The following ACTR3 variants were observed in gnomAD, a reference collection of about 807,000 sequenced individuals.
The protein encoded by ACTR3 is actin related protein 3.
A neutral mutation model predicts 56.8 loss-of-function variants in ACTR3; 12 were observed. The ratio of observed to expected loss-of-function variants is 0.21; its 90% CI spans 0.14 to 0.34. The LOEUF (loss-of-function observed/expected upper bound fraction) is 0.34, where lower values mean the gene tolerates loss of function less well. Among genes scored for constraint, ACTR3 ranks in the 10% least tolerant of loss-of-function variants. The probability of loss-of-function intolerance (pLI) is 1.00; values close to 1 mark genes in which losing one functional copy is unlikely to be tolerated. For synonymous variants in ACTR3, 162 were observed against 167.4 expected, an observed-to-expected ratio of 0.97 and a Z score of 0.25; for missense variants, 282 against 512.5, an observed-to-expected ratio of 0.55 and a Z score of 4.34.
chr2:113,890,525 G>A lies in ACTR3; in HGVS notation c.44+202G>A, dbSNP rs1027954735. The A allele has an allele frequency of 4.3e-5, 59 of 1,360,182 alleles. No individual in the cohort carries two copies. In the African/African-American group the frequency reaches 8.4e-4, roughly 19 times the overall value. 84.3% of individuals were successfully genotyped at this position (1,360,182 alleles called of 1,614,324 possible). Reference sequence around the variant, plus strand: ...TTCTCCCTCCTGGGACTGGGGCGGGGGCGCGGGCCCGAGATTCAACCCCCA... The same window carrying A: ...TTCTCCCTCCTGGGACTGGGGCGGGAGCGCGGGCCCGAGATTCAACCCCCA... On this transcript the variant is annotated intron_variant, in intron 1 of 11. Coordinates refer to ENST00000263238, the MANE Select transcript of ACTR3 (RefSeq NM_005721.5).
At chr2:113,902,796 C>T (rs1028342859) in intron 1 of ACTR3, among the ~76,000 whole-genome samples, 2 of 152,104 alleles carry the variant, frequency 1.3e-5, no homozygotes, top group Non-Finnish European at 2.9e-5. Context: ...GATGGGGTTT[C>T]GCCGTGTTGG....
intron 1 of ACTR3, among the ~76,000 whole-genome samples, chr2:113,911,996 T>G (rs1427912827): frequency 6.6e-6 from 1 of 152,092 alleles, no homozygotes. Context: ...TGCCTCAGCC[T>G]CCCAAAGTGC....
chr2:113,927,361 G>A lies in ACTR3; in HGVS notation c.242G>A (p.Gly81Asp). Residue 81 changes from glycine (G) to aspartate (D), a missense_variant, in exon 4 of 12, where the codon GGT (glycine) becomes GAT (aspartate). Gly to Asp is a moderately conservative substitution (Grantham distance 94, BLOSUM62 -1). Transcript: ENST00000263238. Reference sequence around the variant, plus strand: ...TTTTAATAGTGGCCAATCCGCCATGGTATAGTTGAAGATTGGGACTTAATG... The same window carrying A: ...TTTTAATAGTGGCCAATCCGCCATGATATAGTTGAAGATTGGGACTTAATG... The part of the protein sequence containing the change: ...TYATKWPIRH[G>D]IVEDWDLMER... The A allele has an allele frequency of 1.3e-6, 2 of 1,582,608 alleles. No individual in the cohort carries two copies. The highest frequency in any genetic ancestry group is 1.7e-6 in the Non-Finnish European group (2 of 1,163,262).
At chr2:113,948,527 G>C (rs1680062563) in intron 8 of ACTR3, among the ~76,000 whole-genome samples, 3 of 152,266 alleles carry the variant, frequency 2.0e-5, no homozygotes, top group South Asian at 2.1e-4. Flanking sequence ...TGTCATCACA[G>C]ACAGGACCTT....
intron 1 of ACTR3, among the ~76,000 whole-genome samples, chr2:113,910,315 G>A (rs1481504825): frequency 1.3e-5 from 2 of 152,148 alleles, no homozygotes; most frequent in Non-Finnish European, 2.9e-5. Flanking sequence ...TGGTACGCTC[G>A]AGAGGGTGTG....
Position 113,951,576 on chromosome 2 carries a change from T to G in ACTR3, c.951+5T>G. 6.2e-7 allele frequency: 1 copy of G among 1,602,958 alleles called. No individual in the cohort carries two copies. Among genetic ancestry groups the G allele is most frequent in the Non-Finnish European group, 8.5e-7 (1 of 1,170,988 alleles). On this transcript the variant is annotated splice_donor_5th_base_variant and intron_variant, in intron 9 of 11. Transcript: ENST00000263238. ...GTCAGACGTCCTCTCTACAAGGTAT[T>G]TATAGCAAAATTGTTATTCAAGGTC...
intron 4 of ACTR3, among the ~76,000 whole-genome samples, chr2:113,929,116 C>T (rs1679672321): frequency 6.6e-6 from 1 of 150,784 alleles, no homozygotes; most frequent in Admixed American, 6.6e-5. Context: ...TTGATGAATA[C>T]CTGGGCTATT....
At chr2:113,949,010 A>G (rs1559489676) in intron 8 of ACTR3, among the ~76,000 whole-genome samples, 1 of 151,192 alleles carries the variant, frequency 6.6e-6, no homozygotes, top group Non-Finnish European at 1.5e-5. Flanking sequence ...TTGTATTAGT[A>G]TGTGTCACTT....
At chr2:113,915,277 T>C (rs192153514) in intron 2 of ACTR3, among the ~76,000 whole-genome samples, 46 of 152,328 alleles carry the variant, frequency 3.0e-4, no homozygotes, top group South Asian at 1.4e-3. Context: ...TGGCTTCTGA[T>C]GTTTCCTCAG....
chr2:113,928,015 TTTTA>T (rs1027422659), intron 4 of ACTR3, among the ~76,000 whole-genome samples: 1 of 151,238 alleles, frequency 6.6e-6, no homozygotes, highest in African/African-American at 2.5e-5. Context: ...AACATGTTTC[TTTTA>T]TTTAACATTT....
intron 3 of ACTR3, among the ~76,000 whole-genome samples, chr2:113,927,089 A>G (rs1383147464): frequency 2.0e-5 from 3 of 152,208 alleles, no homozygotes; most frequent in African/African-American, 4.8e-5. Context: ...ATGGTCTTCC[A>G]TGTAGATTTA....
chr2:113,917,275 A>C (rs1679423606), intron 3 of ACTR3, among the ~76,000 whole-genome samples: 2 of 151,528 alleles, frequency 1.3e-5, no homozygotes, highest in East Asian at 3.9e-4. Flanking sequence ...CCCTCAATAA[A>C]ATTACCTTTA....
intron 8 of ACTR3, among the ~76,000 whole-genome samples, chr2:113,947,151 A>G (rs570264765): frequency 5.3e-5 from 8 of 152,356 alleles, no homozygotes; most frequent in Middle Eastern, 3.4e-3. Context: ...AGGCACATCA[A>G]TTAACTTGAA....
intron 1 of ACTR3, among the ~76,000 whole-genome samples, chr2:113,902,722 C>T (rs921441734): frequency 1.3e-5 from 2 of 152,124 alleles, no homozygotes; most frequent in Admixed American, 6.6e-5. Flanking sequence ...GCCTCAGCCT[C>T]CTGAGTAGCT....
At chr2:113,923,847 C>G (rs1679566863) in intron 3 of ACTR3, among the ~76,000 whole-genome samples, 1 of 151,836 alleles carries the variant, frequency 6.6e-6, no homozygotes, top group African/African-American at 2.4e-5. Flanking sequence ...CAGACCAGAT[C>G]TCTACTTTCA....
chr2:113,935,153 C>T (rs561786268), intron 6 of ACTR3, among the ~76,000 whole-genome samples: 29 of 152,202 alleles, frequency 1.9e-4, no homozygotes, highest in African/African-American at 6.7e-4. Flanking sequence ...CACTTTCACC[C>T]TCATGATATG....
chr2:113,952,376 T>A (rs1238149353), intron 10 of ACTR3: 1 of 152,260 alleles, frequency 6.6e-6, no homozygotes, highest in Non-Finnish European at 1.5e-5. Context: ...TTTAAAATTC[T>A]TAGATGTCTA....
At chr2:113,924,598 T>G (rs1404387604) in intron 3 of ACTR3, among the ~76,000 whole-genome samples, 2 of 152,196 alleles carry the variant, frequency 1.3e-5, no homozygotes, top group African/African-American at 4.8e-5. Context: ...AAAGGAAAAT[T>G]TTTGAGAATC....
chr2:113,912,615 T>C (rs1402890368), intron 1 of ACTR3, among the ~76,000 whole-genome samples: 1 of 152,192 alleles, frequency 6.6e-6, no homozygotes, highest in Non-Finnish European at 1.5e-5. Context: ...CAACCAAAAT[T>C]ATTCTTGTGT....
Sources: gnomAD v4.1 joint callset for allele counts (sites outside exome capture counted in the v4.1 genomes callset) on GRCh38, gnomAD v4.1.1 for gene constraint, MANE v1.5 for transcripts, NCBI Gene and HGNC (gene_info 2026-07-23, HGNC 2026-07-21) for gene names.